Variants in NRXN1 observed in about 807,000 individuals in gnomAD.
NRXN1 encodes the protein neurexin-1.
Under a neutral mutation model 150.9 loss-of-function variants are expected in NRXN1, and 39 were observed. The ratio of observed to expected loss-of-function variants is 0.26; its 90% CI spans 0.20 to 0.34. The LOEUF is 0.34. Among genes scored for constraint, NRXN1 ranks in the 10% least tolerant of loss-of-function variants. The probability of loss-of-function intolerance (pLI) is 1.00; values close to 1 mark genes in which losing one functional copy is unlikely to be tolerated. For synonymous variants in NRXN1, 924 were observed against 757.0 expected (o/e 1.22, Z -3.62); for missense variants, 1,815 against 1,949.9 (o/e 0.93, Z 1.30).
Position 51,028,250 on chromosome 2 carries a change from G to A in NRXN1, c.24C>T (p.Arg8=), listed in dbSNP as rs200113281. 105 of 1,461,764 alleles carry A rather than the reference G, an allele frequency of 7.2e-5. No homozygotes were observed. The African/African-American group carries it at 1.1e-3, about 16-fold the overall frequency. The allele number at this position is 1,461,764 out of a possible 1,614,324, so 90.5% of individuals were successfully genotyped here. MGTALLQ[R]GGCFLLCLSL... is the part of the protein sequence containing the mutation. ...AGAGGCACAGAAGAAAACAGCCCCC[G>A]CGCTGGAGCAGCGCCGTCCCCATGC... Residue 8 remains arginine, a synonymous_variant, in exon 2 of 23, where the codon CGC becomes CGT. Coordinates refer to ENST00000401669, the MANE Select transcript of NRXN1 (RefSeq NM_001330078.2).
chr2:50,554,062 T>C (rs905868763), intron 8 of NRXN1, among the ~76,000 whole-genome samples: 13 of 152,276 alleles, frequency 8.5e-5, no homozygotes, highest in Non-Finnish European at 1.6e-4. Context: ...TCCACATAGC[T>C]GTCTAGGCTC....
intron 17 of NRXN1, among the ~76,000 whole-genome samples, chr2:50,248,027 A>G (rs1480257799): frequency 6.6e-6 from 1 of 152,036 alleles, no homozygotes; most frequent in African/African-American, 2.4e-5. Flanking sequence ...TCTCTTTTTT[A>G]TTGAGACAGA....
intron 5 of NRXN1, among the ~76,000 whole-genome samples, chr2:50,773,825 C>G (rs1208784382): frequency 6.6e-6 from 1 of 152,096 alleles, no homozygotes; most frequent in Non-Finnish European, 1.5e-5. Flanking sequence ...TGGCCCTGAG[C>G]TGGGTCACAC....
chr2:50,746,337 T>G (rs898433951), intron 5 of NRXN1, among the ~76,000 whole-genome samples: 1 of 151,970 alleles, frequency 6.6e-6, no homozygotes, highest in African/African-American at 2.4e-5. Context: ...GCAGGAGGAC[T>G]GCTTGAGGTC....
rs578146189 is a variant in NRXN1, at chr2:50,498,300, C to T, written c.2498-586G>A. ...ATATACACTATTCACTTTCCCTCTT[C>T]GTGCTCAATAATGACCATAGTTTTT... On this transcript the variant is annotated intron_variant, in intron 13 of 22. Coordinates refer to ENST00000401669, the MANE Select transcript of NRXN1 (RefSeq NM_001330078.2). Among the ~76,000 whole-genome samples, 59 of 152,278 alleles carry T rather than the reference C, an allele frequency of 3.9e-4. 1 individual carries two copies. The South Asian group carries it at 0.012, about 30-fold the overall frequency.
At chr2:50,503,100 G>A (rs2092035419) in intron 13 of NRXN1, among the ~76,000 whole-genome samples, 1 of 152,116 alleles carries the variant, frequency 6.6e-6, no homozygotes. Context: ...CTGAGGTCAA[G>A]AATTCAAGAC....
intron 21 of NRXN1, among the ~76,000 whole-genome samples, chr2:49,975,591 T>C (rs903897185): frequency 6.6e-6 from 1 of 152,204 alleles, no homozygotes; most frequent in Non-Finnish European, 1.5e-5. Context: ...TAAAGCATTT[T>C]TCAAGTTTTT....
intron 18 of NRXN1, among the ~76,000 whole-genome samples, chr2:50,171,041 A>G (rs1231044667): frequency 6.6e-6 from 1 of 152,216 alleles, no homozygotes; most frequent in Non-Finnish European, 1.5e-5. Context: ...GAAAATCATA[A>G]AGAAAATACA....
chr2:50,174,276 C>T (rs1282064645), intron 18 of NRXN1, among the ~76,000 whole-genome samples: 5 of 152,050 alleles, frequency 3.3e-5, no homozygotes, highest in African/African-American at 1.2e-4. Context: ...CCCAGTTCGG[C>T]CATTGACTGT....
chr2:50,496,379 C>A (rs926066387), intron 14 of NRXN1, among the ~76,000 whole-genome samples: 1 of 152,162 alleles, frequency 6.6e-6, no homozygotes, highest in Non-Finnish European at 1.5e-5. Flanking sequence ...TCTTTCACCA[C>A]GCGCTCCCTG....
At chr2:50,359,499 G>C (rs527623047) in intron 17 of NRXN1, among the ~76,000 whole-genome samples, 1 of 151,584 alleles carries the variant, frequency 6.6e-6, no homozygotes, top group South Asian at 2.1e-4. Context: ...AGCAGAAGAA[G>C]GGATATCAGA....
intron 5 of NRXN1, among the ~76,000 whole-genome samples, chr2:50,839,735 T>C (rs886213393): frequency 1.3e-5 from 2 of 152,122 alleles, no homozygotes; most frequent in African/African-American, 4.8e-5. Flanking sequence ...TAAGAATGCT[T>C]GTCATTATTG....
intron 19 of NRXN1, among the ~76,000 whole-genome samples, chr2:50,074,004 G>A (rs1349444347): frequency 6.6e-6 from 1 of 152,110 alleles, no homozygotes. Context: ...TGGAAAGTAT[G>A]AGGGTATGAG....
At chr2:50,618,943 ATGTT>A (rs1188743751) in intron 8 of NRXN1, among the ~76,000 whole-genome samples, 1 of 151,970 alleles carries the variant, frequency 6.6e-6, no homozygotes, top group Non-Finnish European at 1.5e-5. Flanking sequence ...GCACCTCTTC[ATGTT>A]TGTTAAAACT....
chr2:50,099,816 C>T (rs139856502), intron 18 of NRXN1, among the ~76,000 whole-genome samples: 160 of 152,238 alleles, frequency 1.1e-3, no homozygotes, highest in Middle Eastern at 6.8e-3. Context: ...GAGCATCTAT[C>T]TATGACTTGG....
intron 17 of NRXN1, among the ~76,000 whole-genome samples, chr2:50,324,292 G>A (rs1040095182): frequency 1.3e-5 from 2 of 152,144 alleles, no homozygotes; most frequent in Admixed American, 1.3e-4. Flanking sequence ...TTAAATGCAT[G>A]GCAAGAGAGA....
chr2:50,812,060 G>A (rs571347338), intron 5 of NRXN1, among the ~76,000 whole-genome samples: 65 of 151,944 alleles, frequency 4.3e-4, no homozygotes, highest in Non-Finnish European at 7.4e-4. Context: ...CTGCATGTGT[G>A]CATTGAGAAA....
At chr2:50,923,908 C>G (rs1686472722) in intron 3 of NRXN1, among the ~76,000 whole-genome samples, 1 of 151,682 alleles carries the variant, frequency 6.6e-6, no homozygotes, top group African/African-American at 2.4e-5. Flanking sequence ...CACAATATAA[C>G]ATGAAAGTTA....
At chr2:50,106,684 A>G (rs1450117313) in intron 18 of NRXN1, among the ~76,000 whole-genome samples, 1 of 151,994 alleles carries the variant, frequency 6.6e-6, no homozygotes, top group Non-Finnish European at 1.5e-5. Flanking sequence ...AGTAATTATA[A>G]TACAATTTTC....
Sources: gnomAD v4.1 joint callset for allele counts (sites outside exome capture counted in the v4.1 genomes callset) on GRCh38, gnomAD v4.1.1 for gene constraint, MANE v1.5 for transcripts, NCBI Gene and HGNC (gene_info 2026-07-23, HGNC 2026-07-21) for gene names.